SLAIN2: variants seen among roughly 807,000 people sequenced by gnomAD.
SLAIN2 encodes SLAIN family member 2.
Under a neutral mutation model 56.6 loss-of-function variants are expected in SLAIN2, and 31 were observed. That is an observed-to-expected ratio of 0.55 (90% CI 0.41 to 0.74). The LOEUF (loss-of-function observed/expected upper bound fraction) is 0.74. Ranked by LOEUF, SLAIN2 falls within the 30% of genes least tolerant of loss-of-function variation. The probability of loss-of-function intolerance (pLI) is 0.00; values close to 1 mark genes in which losing one functional copy is unlikely to be tolerated. For synonymous variants in SLAIN2, 317 were observed against 284.9 expected, an observed-to-expected ratio of 1.11 and a Z score of -1.13; for missense variants, 777 against 754.2, an observed-to-expected ratio of 1.03 and a Z score of -0.35.
chr4:48,349,353 T>C (rs1306346068), intron 1 of SLAIN2, among the ~76,000 whole-genome samples: 1 of 152,238 alleles, frequency 6.6e-6, no homozygotes, highest in Non-Finnish European at 1.5e-5. Flanking sequence ...TAGGTTAAAA[T>C]GAGGCAAAAC....
chr4:48,379,265 T>C lies in SLAIN2; in HGVS notation c.704-425T>C, dbSNP rs114756720. 1.7e-3 allele frequency among the ~76,000 whole-genome samples: 259 copies of C among 152,144 alleles called. 1 individual carries two copies. Among genetic ancestry groups the C allele is most frequent in the African/African-American group, 6.0e-3 (249 of 41,528 alleles). The stretch of plus-strand genomic sequence containing the variant: ...ATTATAGTTTTCTCATTTAGAAAAA[T>C]GAGGGAAAAGATGATGGTGTTTGTC... On this transcript the variant is annotated intron_variant, in intron 3 of 7. Transcript: ENST00000264313.
In SLAIN2 at chr4:48,342,097, C is replaced by T. The variant is rs781366046; in HGVS notation, c.358C>T (p.Leu120=). The T allele has an allele frequency of 2.9e-6, 4 of 1,365,854 alleles. No individual in the cohort carries two copies. The highest frequency in any genetic ancestry group is 3.5e-5 in the South Asian group (2 of 57,270). 84.6% of individuals were successfully genotyped at this position (1,365,854 alleles called of 1,614,324 possible). Residue 120 remains leucine, a synonymous_variant, in exon 1 of 8, where the codon CTG becomes TTG. Transcript: ENST00000264313. ...GCTGCGGCCCGACGAGCTGGAGCGC[C>T]TGTCAGGCTGGGAGGAGGAGGAGGA... ...EPLRPDELER[L]SGWEEEEESW...
At chr4:48,420,861 C>A (rs1313563244) in intron 7 of SLAIN2, among the ~76,000 whole-genome samples, 1 of 151,846 alleles carries the variant, frequency 6.6e-6, no homozygotes, top group Non-Finnish European at 1.5e-5. Context: ...GTTTTCAAAC[C>A]CTTATTCTAT....
intron 6 of SLAIN2, among the ~76,000 whole-genome samples, chr4:48,414,210 GA>G (rs1716937751): frequency 6.6e-6 from 1 of 152,148 alleles, no homozygotes; most frequent in East Asian, 1.9e-4. Flanking sequence ...AGAGTAAAGA[GA>G]AATTATAACT....
chr4:48,364,584 C>T (rs1433879313), intron 1 of SLAIN2, among the ~76,000 whole-genome samples: 1 of 96,762 alleles, frequency 1.0e-5, no homozygotes, highest in African/African-American at 3.5e-5. Flanking sequence ...AGCCTGGGCA[C>T]CATTGAGCAC....
chr4:48,353,712 A>G (rs1160944812), intron 1 of SLAIN2, among the ~76,000 whole-genome samples: 2 of 152,190 alleles, frequency 1.3e-5, no homozygotes, highest in Non-Finnish European at 2.9e-5. Context: ...AAACAGTGGT[A>G]TGTATATATG....
intron 6 of SLAIN2, among the ~76,000 whole-genome samples, chr4:48,414,450 T>C (rs1716944676): frequency 6.6e-6 from 1 of 152,166 alleles, no homozygotes; most frequent in Non-Finnish European, 1.5e-5. Context: ...AATTTACACA[T>C]TTATTACTCG....
chr4:48,414,008 C>A (rs547307843), intron 6 of SLAIN2, among the ~76,000 whole-genome samples: 1 of 152,144 alleles, frequency 6.6e-6, no homozygotes, highest in South Asian at 2.1e-4. Flanking sequence ...TTATTAAATA[C>A]TTATTAAAAG....
chr4:48,356,413 T>G (rs561094703), intron 1 of SLAIN2, among the ~76,000 whole-genome samples: 2 of 152,254 alleles, frequency 1.3e-5, no homozygotes, highest in South Asian at 4.2e-4. Flanking sequence ...TGAAAAGATC[T>G]GTACTAGTAG....
At chr4:48,344,239 A>G (rs538848633) in intron 1 of SLAIN2, among the ~76,000 whole-genome samples, 1 of 152,352 alleles carries the variant, frequency 6.6e-6, no homozygotes, top group South Asian at 2.1e-4. Flanking sequence ...AAAGTTGAAT[A>G]TAAATCATAT....
chr4:48,352,660 T>A (rs1463315809), intron 1 of SLAIN2, among the ~76,000 whole-genome samples: 4 of 152,194 alleles, frequency 2.6e-5, no homozygotes, highest in South Asian at 4.1e-4. Flanking sequence ...TACCACAGGT[T>A]AAGAACCATT....
At position 48,365,788 on chromosome 4, in the gene SLAIN2, C is replaced by CCTGA. The variant is rs572118917; in HGVS notation, c.390-4059_390-4056dup. Among the ~76,000 whole-genome samples, 246 of 152,266 alleles carry CCTGA rather than the reference C, an allele frequency of 1.6e-3. 1 individual carries two copies. Among genetic ancestry groups the CCTGA allele is most frequent in the African/African-American group, 5.5e-3 (228 of 41,540 alleles). ...ACGTTGGCCAGGCTGATCTTGAACTCCTGACCTCAGGTGATCCACCAGCCT... is the reference window on the plus strand; with the variant it reads ...ACGTTGGCCAGGCTGATCTTGAACTCCTGACTGACCTCAGGTGATCCACCAGCCT... On this transcript the variant is annotated intron_variant, in intron 1 of 7. Coordinates refer to ENST00000264313, the MANE Select transcript of SLAIN2 (RefSeq NM_020846.2).
Position 48,425,973 on chromosome 4 carries a change from A to T in SLAIN2, c.*3896A>T, listed in dbSNP as rs572592523. 1 of 152,310 alleles carries T rather than the reference A, an allele frequency of 6.6e-6. No individual in the cohort carries two copies. Among genetic ancestry groups the T allele is most frequent in the African/African-American group, 2.4e-5 (1 of 41,574 alleles). The allele number at this position is 152,310 out of a possible 1,614,324, so 9.4% of individuals were successfully genotyped here. On this transcript the variant is annotated 3_prime_UTR_variant, in exon 8 of 8. Coordinates refer to ENST00000264313, the MANE Select transcript of SLAIN2 (RefSeq NM_020846.2). ...GTTTTCTCTTTAAAAGAAATAAAAA[A>T]ATCTGTTTCTTCTGATTTCGAAAGT...
chr4:48,361,371 A>G (rs1298454390), intron 1 of SLAIN2, among the ~76,000 whole-genome samples: 2 of 152,198 alleles, frequency 1.3e-5, no homozygotes, highest in African/African-American at 4.8e-5. Context: ...TGCTATTTAA[A>G]TATGTGTGGT....
chr4:48,369,834 G>A lies in SLAIN2; in HGVS notation c.390-15G>A. 1 of 1,596,994 alleles carries A rather than the reference G, an allele frequency of 6.3e-7. No individual in the cohort carries two copies. The highest frequency in any genetic ancestry group is 8.5e-7 in the Non-Finnish European group (1 of 1,172,930). ...CTTAATAAGGAATTTTCTGTTTTTTGTTGTCTTCTTCTAGGCTGTATTCAT... is the reference window on the plus strand; with the variant it reads ...CTTAATAAGGAATTTTCTGTTTTTTATTGTCTTCTTCTAGGCTGTATTCAT... On this transcript the variant is annotated splice_polypyrimidine_tract_variant and intron_variant, in intron 1 of 7. Transcript: ENST00000264313.
Position 48,342,190 on chromosome 4 carries a change from C to CT in SLAIN2, c.389+63dup. ...CGGGCCCGGGGGCGGAGAGCGTCCT[C>CT]TGAGGGTCCCTCTGGTCGGGCGCCT... On this transcript the variant is annotated intron_variant, in intron 1 of 7. Transcript: ENST00000264313. 4 of 1,328,204 alleles carry CT rather than the reference C, an allele frequency of 3.0e-6. No individual in the cohort carries two copies. The South Asian group carries it at 8.2e-5, about 27-fold the overall frequency. The allele number at this position is 1,328,204 out of a possible 1,614,324, so 82.3% of individuals were successfully genotyped here. A position where few individuals can be genotyped will look rare whatever the true frequency, so the allele number is the denominator to read the frequency against.
At chr4:48,355,761 G>A (rs1202283028) in intron 1 of SLAIN2, among the ~76,000 whole-genome samples, 2 of 151,666 alleles carry the variant, frequency 1.3e-5, no homozygotes, top group Admixed American at 6.6e-5. Context: ...CATTTTATAT[G>A]TTTATAAATA....
Position 48,372,125 on chromosome 4 carries a change from T to A in SLAIN2, c.538+2128T>A, listed in dbSNP as rs116268628. ...TCAGTACCCCACCTTAGAAATAATA[T>A]AATTTACAATTTAATTAGGAATTTT... On this transcript the variant is annotated intron_variant, in intron 2 of 7. Coordinates refer to ENST00000264313, the MANE Select transcript of SLAIN2 (RefSeq NM_020846.2). Among the ~76,000 whole-genome samples, 665 of 151,968 alleles carry A rather than the reference T, an allele frequency of 4.4e-3. 4 individuals carry two copies. The highest frequency in any genetic ancestry group is 0.015 in the African/African-American group (636 of 41,442).
chr4:48,380,950 A>G (rs1411608579), intron 4 of SLAIN2, among the ~76,000 whole-genome samples: 2 of 152,200 alleles, frequency 1.3e-5, no homozygotes, highest in African/African-American at 4.8e-5. Context: ...TTCCCCTAGG[A>G]AGATAGAAGG....
Sources: gnomAD v4.1 joint callset for allele counts (sites outside exome capture counted in the v4.1 genomes callset) on GRCh38, gnomAD v4.1.1 for gene constraint, MANE v1.5 for transcripts, NCBI Gene and HGNC (gene_info 2026-07-23, HGNC 2026-07-21) for gene names.